The following ADGRV1 variants were observed in gnomAD, a reference collection of about 807,000 sequenced individuals.
ADGRV1 encodes the protein G-protein coupled receptor 98.
In ADGRV1, 359 loss-of-function variants were observed where a neutral mutation model predicts 596.2. The observed-to-expected ratio is 0.60, with a 90% CI of 0.55 to 0.66. The LOEUF (loss-of-function observed/expected upper bound fraction) is 0.66, where lower values mean the gene tolerates loss of function less well. Among genes scored for constraint, ADGRV1 ranks in the 30% least tolerant of loss-of-function variants. The pLI is 0.00. For synonymous variants in ADGRV1, 2,681 were observed against 2,679.2 expected (o/e 1.00, Z -0.02); for missense variants, 7,274 against 7,575.6 (o/e 0.96, Z 1.48).
intron 87 of ADGRV1, among the ~76,000 whole-genome samples, chr5:91,108,842 C>T (rs568396697): frequency 6.6e-6 from 1 of 152,262 alleles, no homozygotes; most frequent in South Asian, 2.1e-4. Context: ...AGTGATCCTC[C>T]CACCTCAGCC....
At chr5:90,679,768 C>A in intron 26 of ADGRV1, 139 bp downstream of exon 26, 1 of 562,796 alleles carries the variant, frequency 1.8e-6, no homozygotes, top group Non-Finnish European at 3.1e-6. Flanking sequence ...GTCACAGAAA[C>A]TTTATGAAGT....
intron 83 of ADGRV1, among the ~76,000 whole-genome samples, chr5:90,884,086 A>G (rs895315901): frequency 5.9e-5 from 9 of 152,154 alleles, no homozygotes; most frequent in African/African-American, 2.2e-4. Flanking sequence ...TGGTTTTTAT[A>G]AAGGATTTAT....
intron 86 of ADGRV1, among the ~76,000 whole-genome samples, chr5:91,080,809 T>C (rs1280265351): frequency 6.6e-6 from 1 of 152,180 alleles, no homozygotes; most frequent in Non-Finnish European, 1.5e-5. Context: ...TATAAGTATT[T>C]AGTATAGTTC....
intron 89 of ADGRV1, among the ~76,000 whole-genome samples, chr5:91,162,653 A>G (rs566950180): frequency 6.6e-6 from 1 of 152,288 alleles, no homozygotes; most frequent in African/African-American, 2.4e-5. Flanking sequence ...AGAAGCAAAG[A>G]GAGGAAGTGG....
chr5:91,053,510 A>G (rs1786539009), intron 85 of ADGRV1, among the ~76,000 whole-genome samples: 2 of 152,194 alleles, frequency 1.3e-5, no homozygotes, highest in Admixed American at 6.5e-5. Flanking sequence ...TTAAGTGCAC[A>G]GATGATTCCT....
chr5:90,683,029 A>G (rs1745147376), intron 27 of ADGRV1, among the ~76,000 whole-genome samples: 1 of 152,222 alleles, frequency 6.6e-6, no homozygotes, highest in South Asian at 2.1e-4. Context: ...TGAAATATAT[A>G]CCATTTTTGC....
At chr5:91,147,781 C>T (rs1416990014) in intron 87 of ADGRV1, among the ~76,000 whole-genome samples, 3 of 152,006 alleles carry the variant, frequency 2.0e-5, no homozygotes, top group Admixed American at 6.6e-5. Flanking sequence ...AATGTGGAAG[C>T]GCCGTTGGAA....
intron 85 of ADGRV1, among the ~76,000 whole-genome samples, chr5:91,050,514 A>G (rs887738248): frequency 1.3e-5 from 2 of 152,116 alleles, no homozygotes; most frequent in East Asian, 1.9e-4. Flanking sequence ...TATTTCAGGT[A>G]TCTGTGTTGG....
rs371917393 is a variant in ADGRV1 at position 90,788,174 on chromosome 5, A to G, written c.13757A>G (p.Glu4586Gly). Residue 4586 changes from glutamate (E) to glycine (G), a missense_variant, in exon 68 of 90, where the codon GAA becomes GGA. Glu to Gly is a moderately conservative substitution (Grantham distance 98, BLOSUM62 -2). This residue lies in a region of ADGRV1 where 3,643 missense variants were observed against 3,809.2 expected (regional missense o/e 0.96). Transcript: ENST00000405460. ...GGGTTGTTCTATTTTGGAGAAGGAG[A>G]AGGAGGAGTGAGAACCATAATTCTG... ...VSGLFYFGEG[E>G]GGVRTIILTI... is the part of the protein sequence containing the mutation. The G allele has an allele frequency of 4.3e-5, 70 of 1,613,856 alleles. No individual in the cohort carries two copies. Among genetic ancestry groups the G allele is most frequent in the Admixed American group, 6.7e-5 (4 of 60,014 alleles).
At chr5:91,147,834 A>G (rs1486273078) in intron 87 of ADGRV1, among the ~76,000 whole-genome samples, 2 of 152,188 alleles carry the variant, frequency 1.3e-5, no homozygotes, top group Non-Finnish European at 2.9e-5. Context: ...AGGGCTCAGA[A>G]GAAGACAGGA....
chr5:90,686,461 A>G (rs1477846610), intron 29 of ADGRV1, among the ~76,000 whole-genome samples: 6 of 151,788 alleles, frequency 4.0e-5, no homozygotes. Context: ...GAGAATATGC[A>G]GTGTTTGGTT....
chr5:90,863,003 G>A (rs773684811), intron 82 of ADGRV1, among the ~76,000 whole-genome samples: 2 of 152,178 alleles, frequency 1.3e-5, no homozygotes, highest in Non-Finnish European at 2.9e-5. Context: ...TGGCAAAGCA[G>A]TATACATATG....
chr5:90,715,083 C>G (rs931015581), intron 42 of ADGRV1, among the ~76,000 whole-genome samples: 1 of 152,278 alleles, frequency 6.6e-6, no homozygotes, highest in African/African-American at 2.4e-5. Flanking sequence ...TATAAAATGC[C>G]TCTCCAGTAA....
At chr5:90,703,566 G>A (rs1389011324) in intron 34 of ADGRV1, 99 bp from the exon 35 acceptor site, 5 of 776,732 alleles carry the variant, frequency 6.4e-6, no homozygotes, top group Non-Finnish European at 1.0e-5. Context: ...TGGGAAAGGT[G>A]CTGTAATAGT....
chr5:91,072,652 G>C, intron 86 of ADGRV1, 48 bp downstream of exon 86: 1 of 1,567,170 alleles, frequency 6.4e-7, no homozygotes, highest in Non-Finnish European at 8.7e-7. Context: ...ACGCTTTAAT[G>C]GTGGGAAAAT....
At chr5:90,803,726 G>A (rs531118893) in intron 71 of ADGRV1, among the ~76,000 whole-genome samples, 117 of 152,016 alleles carry the variant, frequency 7.7e-4, no homozygotes, top group Non-Finnish European at 1.2e-3. Context: ...GAGAGTAAAA[G>A]GTTTTTTTTT....
chr5:90,578,778 A>G (rs770817241), intron 1 of ADGRV1, among the ~76,000 whole-genome samples: 1 of 152,134 alleles, frequency 6.6e-6, no homozygotes, highest in South Asian at 2.1e-4. Context: ...AATTATTGCC[A>G]TAATTTCAGA....
intron 84 of ADGRV1, among the ~76,000 whole-genome samples, chr5:90,974,503 T>TA (rs1779371272): frequency 6.6e-6 from 1 of 152,032 alleles, no homozygotes; most frequent in South Asian, 2.1e-4. Flanking sequence ...AAAACAGAGA[T>TA]ATAGACCAAT....
chr5:90,784,182 A>G (rs113953845), intron 67 of ADGRV1, 125 bp downstream of exon 67: 9 of 666,576 alleles, frequency 1.4e-5, no homozygotes, highest in Non-Finnish European at 2.2e-5. Context: ...ATTATCTTGT[A>G]TGTGTACAGC....
Sources: allele counts gnomAD v4.1 joint callset (sites outside exome capture counted in the v4.1 genomes callset), GRCh38; gene constraint gnomAD v4.1.1; regional missense constraint gnomAD v4.1.1; transcripts MANE v1.5; gene names NCBI Gene and HGNC (gene_info 2026-07-23, HGNC 2026-07-21).